Variants in PRR5L observed in about 807,000 individuals in gnomAD.
PRR5L encodes the protein proline rich 5 like, also known as proline-rich protein 5-like.
A neutral mutation model predicts 36.4 loss-of-function variants in PRR5L; 21 were observed. That is an observed-to-expected ratio of 0.58 (90% CI 0.41 to 0.83). The LOEUF is 0.83. Among genes scored for constraint, PRR5L ranks in the 40% least tolerant of loss-of-function variants. PRR5L has a pLI of 0.00. For missense variants in PRR5L, 381 were observed against 473.3 expected (o/e 0.80, Z 1.81); for synonymous variants, 188 against 197.0 (o/e 0.95, Z 0.38).
At chr11:36,324,961 G>A (rs1856645077) in intron 1 of PRR5L, among the ~76,000 whole-genome samples, 1 of 152,052 alleles carries the variant, frequency 6.6e-6, no homozygotes, top group Non-Finnish European at 1.5e-5. Flanking sequence ...TTTTTCAACA[G>A]CATTTTTCAT....
chr11:36,351,500 T>C (rs1464659664), intron 1 of PRR5L, among the ~76,000 whole-genome samples: 1 of 13,902 alleles, frequency 7.2e-5, no homozygotes, highest in African/African-American at 4.3e-4. Context: ...TTTATATATA[T>C]TTTTATATAT....
Position 36,422,832 on chromosome 11 carries a change from T to A in PRR5L, c.294+3529T>A, listed in dbSNP as rs1300039042. Among the ~76,000 whole-genome samples the A allele has an allele frequency of 2.6e-5, 4 of 152,270 alleles. No homozygotes were observed. In the East Asian group the frequency reaches 7.7e-4, roughly 29 times the overall value. On this transcript the variant is annotated intron_variant, in intron 4 of 8. Coordinates refer to ENST00000530639, the MANE Select transcript of PRR5L (RefSeq NM_001160167.2). ...TGATTTTTTTCCCTTTCCCTCTGTTTTGAATTGTGTCCGGAAGGAAAATTG... is the reference window on the plus strand; with the variant it reads ...TGATTTTTTTCCCTTTCCCTCTGTTATGAATTGTGTCCGGAAGGAAAATTG...
intron 5 of PRR5L, among the ~76,000 whole-genome samples, chr11:36,435,016 C>T (rs1418513736): frequency 6.6e-6 from 1 of 152,102 alleles, no homozygotes; most frequent in Non-Finnish European, 1.5e-5. Context: ...TCTTCTTCCC[C>T]TCCTTCAGGT....
intron 1 of PRR5L, chr11:36,329,157 G>A (rs1489529682): frequency 1.3e-5 from 2 of 152,136 alleles, no homozygotes; most frequent in African/African-American, 2.4e-5. Context: ...TAGAAATTGG[G>A]CCCAAAGTGT....
intron 1 of PRR5L, among the ~76,000 whole-genome samples, chr11:36,397,810 T>G (rs1411779864): frequency 6.6e-6 from 1 of 151,930 alleles, no homozygotes; most frequent in Non-Finnish European, 1.5e-5. Flanking sequence ...TTTTGTTTTT[T>G]TTTGAGACGA....
At chr11:36,420,921 G>A (rs1858252111) in intron 4 of PRR5L, among the ~76,000 whole-genome samples, 2 of 150,588 alleles carry the variant, frequency 1.3e-5, no homozygotes, top group African/African-American at 4.9e-5. Flanking sequence ...CCCAACAGAA[G>A]CCTGGAATTC....
intron 1 of PRR5L, among the ~76,000 whole-genome samples, chr11:36,385,255 C>T (rs1167810822): frequency 6.6e-6 from 1 of 152,178 alleles, no homozygotes; most frequent in Non-Finnish European, 1.5e-5. Flanking sequence ...TGCAGAATCA[C>T]TCTGGATGAC....
chr11:36,379,623 A>G (rs1590506658), intron 1 of PRR5L, among the ~76,000 whole-genome samples: 1 of 152,226 alleles, frequency 6.6e-6, no homozygotes, highest in African/African-American at 2.4e-5. Context: ...TGTACAGAAT[A>G]TTATGGGGTT....
chr11:36,342,334 C>A (rs541339694), intron 1 of PRR5L, among the ~76,000 whole-genome samples: 28 of 152,200 alleles, frequency 1.8e-4, no homozygotes, highest in Non-Finnish European at 3.5e-4. Context: ...ATCAGTAGGG[C>A]AGACGGGGGC....
At chr11:36,390,072 GGCC>G (rs1857536465) in intron 1 of PRR5L, among the ~76,000 whole-genome samples, 1 of 152,144 alleles carries the variant, frequency 6.6e-6, no homozygotes, top group Non-Finnish European at 1.5e-5. Flanking sequence ...TGCCCTTATG[GGCC>G]TCACAAACCT....
chr11:36,335,109 C>CA (rs34632163), intron 1 of PRR5L, among the ~76,000 whole-genome samples: 15,667 of 151,826 alleles, frequency 0.1, 1,539 homozygotes, highest in African/African-American at 0.27. Flanking sequence ...TCTTTTAAGA[C>CA]AGAGTCTTAC....
chr11:36,423,203 G>A (rs1858308212), intron 4 of PRR5L, among the ~76,000 whole-genome samples: 1 of 152,126 alleles, frequency 6.6e-6, no homozygotes, highest in Admixed American at 6.5e-5. Flanking sequence ...TTGTCAATAG[G>A]TCATGGATAC....
In PRR5L at chr11:36,401,258, A is replaced by G; in HGVS notation, c.137A>G (p.Gln46Arg). ...TTCCAAGCAGCTCGGCAGGCTCTGCAGCTGAGCTCCAGCTCAGCCTGGAAC... is the reference window on the plus strand; with the variant it reads ...TTCCAAGCAGCTCGGCAGGCTCTGCGGCTGAGCTCCAGCTCAGCCTGGAAC... Reference protein sequence around the residue: ...PRFQAARQALQLSSSSAWNSV... With the variant: ...PRFQAARQALRLSSSSAWNSV... Residue 46 changes from glutamine (Q) to arginine (R), a missense_variant, in exon 2 of 9, where the codon CAG (glutamine) becomes CGG (arginine). Physicochemically the swap from Gln to Arg is conservative, Grantham distance 43 (BLOSUM62 1). Coordinates refer to ENST00000530639, the MANE Select transcript of PRR5L (RefSeq NM_001160167.2). 1.2e-6 allele frequency: 2 copies of G among 1,612,742 alleles called. No individual in the cohort carries two copies. The highest frequency in any genetic ancestry group is 1.7e-6 in the Non-Finnish European group (2 of 1,179,966).
chr11:36,443,155 C>T (rs1214860479), intron 6 of PRR5L, among the ~76,000 whole-genome samples: 4 of 152,198 alleles, frequency 2.6e-5, no homozygotes, highest in African/African-American at 9.7e-5. Flanking sequence ...GCATCTGCTC[C>T]TGGTGAGGCT....
At chr11:36,329,609 T>C (rs1438791798) in intron 1 of PRR5L, among the ~76,000 whole-genome samples, 1 of 152,244 alleles carries the variant, frequency 6.6e-6, no homozygotes, top group African/African-American at 2.4e-5. Flanking sequence ...TCATTAAATA[T>C]GGCCTGGTCA....
intron 7 of PRR5L, among the ~76,000 whole-genome samples, chr11:36,450,828 T>C (rs954084913): frequency 1.3e-5 from 2 of 152,238 alleles, no homozygotes; most frequent in African/African-American, 4.8e-5. Flanking sequence ...CTCTTTGCAT[T>C]GTCAGGAGAC....
At chr11:36,364,883 C>T (rs778145313) in intron 1 of PRR5L, among the ~76,000 whole-genome samples, 11 of 152,190 alleles carry the variant, frequency 7.2e-5, no homozygotes, top group Non-Finnish European at 1.5e-4. Flanking sequence ...CTTTCTCCCT[C>T]CCTCCGTTCC....
At chr11:36,337,414 T>G (rs1237026996) in intron 1 of PRR5L, among the ~76,000 whole-genome samples, 2 of 152,224 alleles carry the variant, frequency 1.3e-5, no homozygotes, top group Admixed American at 6.5e-5. Context: ...AACATCTTGA[T>G]CTTCAACTTC....
chr11:36,322,598 G>T (rs556537275), intron 1 of PRR5L, among the ~76,000 whole-genome samples: 1 of 152,212 alleles, frequency 6.6e-6, no homozygotes, highest in South Asian at 2.1e-4. Context: ...CTCATCACAG[G>T]GTTGAGTATG....
Sources: allele counts gnomAD v4.1 joint callset (sites outside exome capture counted in the v4.1 genomes callset), GRCh38; gene constraint gnomAD v4.1.1; transcripts MANE v1.5; gene names NCBI Gene and HGNC (gene_info 2026-07-23, HGNC 2026-07-21).